The following CTNNA3 variants were observed in gnomAD, a reference collection of about 807,000 sequenced individuals.
The protein encoded by CTNNA3 is catenin alpha-3.
A neutral mutation model predicts 95.7 loss-of-function variants in CTNNA3; 76 were observed. The ratio of observed to expected loss-of-function variants is 0.79; its 90% CI spans 0.66 to 0.96. The LOEUF (loss-of-function observed/expected upper bound fraction) is 0.96. Ranked by LOEUF, CTNNA3 falls within the 40% of genes least tolerant of loss-of-function variation. CTNNA3 has a pLI of 0.00. For synonymous variants in CTNNA3, 431 were observed against 374.4 expected (o/e 1.15, Z -1.74); for missense variants, 1,191 against 1,089.8 (o/e 1.09, Z -1.31).
At chr10:66,103,380 A>G (rs1413358921) in intron 13 of CTNNA3, 131 bp from the exon 14 acceptor site, 1 of 685,840 alleles carries the variant, frequency 1.5e-6, no homozygotes, top group Non-Finnish European at 2.6e-6. Flanking sequence ...TCCCAGTTAT[A>G]TACTCAAGAG....
chr10:67,426,815 AAAAG>A (rs911541603), intron 5 of CTNNA3, among the ~76,000 whole-genome samples: 5 of 152,032 alleles, frequency 3.3e-5, no homozygotes, highest in Non-Finnish European at 5.9e-5. Context: ...TTAAAAAAAA[AAAAG>A]AAAGTTGTTA....
At chr10:66,560,423 T>A (rs1338024310) in intron 10 of CTNNA3, among the ~76,000 whole-genome samples, 1 of 152,106 alleles carries the variant, frequency 6.6e-6, no homozygotes, top group African/African-American at 2.4e-5. Flanking sequence ...ATTCCACTGA[T>A]ACCAAAGCTA....
intron 7 of CTNNA3, among the ~76,000 whole-genome samples, chr10:66,911,810 C>A (rs1299694826): frequency 2.0e-5 from 3 of 152,164 alleles, no homozygotes; most frequent in Non-Finnish European, 2.9e-5. Flanking sequence ...TTGTAAGCCA[C>A]TTGAAATTAT....
At chr10:66,506,034 C>A (rs1840437864) in intron 11 of CTNNA3, among the ~76,000 whole-genome samples, 1 of 152,156 alleles carries the variant, frequency 6.6e-6, no homozygotes, top group Non-Finnish European at 1.5e-5. Flanking sequence ...TGCTTCCACT[C>A]ATGGCAGAAG....
intron 1 of CTNNA3, among the ~76,000 whole-genome samples, chr10:67,687,180 A>G (rs1840748830): frequency 6.6e-6 from 1 of 152,152 alleles, no homozygotes; most frequent in Non-Finnish European, 1.5e-5. Flanking sequence ...GAGGAAATCA[A>G]TTTCCTGGCC....
At chr10:66,330,239 G>T (rs1327203298) in intron 12 of CTNNA3, among the ~76,000 whole-genome samples, 1 of 150,672 alleles carries the variant, frequency 6.6e-6, no homozygotes, top group Non-Finnish European at 1.5e-5. Flanking sequence ...CCCACAACAG[G>T]CCCCGGTGTG....
intron 13 of CTNNA3, among the ~76,000 whole-genome samples, chr10:66,127,561 C>T (rs1389605224): frequency 6.6e-6 from 1 of 151,976 alleles, no homozygotes; most frequent in Admixed American, 6.6e-5. Context: ...AGAACTGTCA[C>T]AGCCAAGAAA....
chr10:67,664,949 A>T (rs972907186), intron 1 of CTNNA3, among the ~76,000 whole-genome samples: 3 of 152,240 alleles, frequency 2.0e-5, no homozygotes, highest in African/African-American at 7.2e-5. Flanking sequence ...ATTTAAGTTT[A>T]AAAGCCCATA....
chr10:67,496,775 T>A (rs1839036982), intron 5 of CTNNA3, among the ~76,000 whole-genome samples: 1 of 152,210 alleles, frequency 6.6e-6, no homozygotes, highest in South Asian at 2.1e-4. Flanking sequence ...ACAAATTGTA[T>A]TTCTCATTAA....
chr10:66,895,931 A>G (rs1233424558), intron 7 of CTNNA3, among the ~76,000 whole-genome samples: 1 of 150,936 alleles, frequency 6.6e-6, no homozygotes, highest in Non-Finnish European at 1.5e-5. Flanking sequence ...AAAAAAAAAA[A>G]AAAAGAACAC....
At chr10:67,322,455 T>G (rs1340501133) in intron 5 of CTNNA3, among the ~76,000 whole-genome samples, 1 of 152,216 alleles carries the variant, frequency 6.6e-6, no homozygotes, top group Non-Finnish European at 1.5e-5. Flanking sequence ...TAGCTCCCAC[T>G]TATAAGTGAG....
rs376442103 is a variant in CTNNA3, at chr10:66,545,988, T to A, written c.1375-25215A>T. Among the ~76,000 whole-genome samples, 54 of 150,956 alleles carry A rather than the reference T, an allele frequency of 3.6e-4. 1 individual carries two copies. The South Asian group carries it at 0.011, about 31-fold the overall frequency. On this transcript the variant is annotated intron_variant, in intron 10 of 17. Coordinates refer to ENST00000433211, the MANE Select transcript of CTNNA3 (RefSeq NM_013266.4). ...AAATATAATATATTTATCTTCTGGATATAAACTCATTGTCAGTTAAGTATT... is the reference window on the plus strand; with the variant it reads ...AAATATAATATATTTATCTTCTGGAAATAAACTCATTGTCAGTTAAGTATT...
intron 13 of CTNNA3, among the ~76,000 whole-genome samples, chr10:66,203,687 A>G (rs908509018): frequency 2.0e-5 from 3 of 152,090 alleles, no homozygotes; most frequent in African/African-American, 7.2e-5. Flanking sequence ...TCATGTCTAC[A>G]ATTACCTAAT....
chr10:66,505,917 T>C (rs72791602), intron 11 of CTNNA3, among the ~76,000 whole-genome samples: 23,188 of 152,092 alleles, frequency 0.15, 1,848 homozygotes, highest in Non-Finnish European at 0.17. Flanking sequence ...TAAAGGAATA[T>C]CCAAAACTGG....
chr10:67,152,401 T>C (rs1861122931), intron 7 of CTNNA3, among the ~76,000 whole-genome samples: 1 of 152,220 alleles, frequency 6.6e-6, no homozygotes, highest in South Asian at 2.1e-4. Flanking sequence ...GGGAGAAAGA[T>C]AACACCATTG....
intron 12 of CTNNA3, among the ~76,000 whole-genome samples, chr10:66,360,686 C>CTTT (rs2092655419): frequency 4.6e-5 from 2 of 43,954 alleles, no homozygotes; most frequent in African/African-American, 1.1e-4. Context: ...TTCCTTCCTT[C>CTTT]CTTCCTTTTC....
intron 15 of CTNNA3, among the ~76,000 whole-genome samples, chr10:66,054,638 T>A (rs1011143951): frequency 1.3e-5 from 2 of 152,186 alleles, no homozygotes; most frequent in Non-Finnish European, 2.9e-5. Context: ...GTCAGATGGG[T>A]CATTGGCAAA....
intron 14 of CTNNA3, among the ~76,000 whole-genome samples, chr10:66,087,217 A>G (rs112886132): frequency 5.2e-4 from 79 of 152,180 alleles, no homozygotes; most frequent in African/African-American, 1.8e-3. Context: ...AAGCCCCTCT[A>G]TAAAGTGGAC....
At chr10:67,701,031 G>A (rs774694676), upstream of CTNNA3, among the ~76,000 whole-genome samples, 3 of 152,148 alleles carry the variant, frequency 2.0e-5, no homozygotes, top group Non-Finnish European at 2.9e-5. Context: ...TATCAGTGAT[G>A]GAAGATGAAA....
Sources: gnomAD v4.1 joint callset for allele counts (sites outside exome capture counted in the v4.1 genomes callset) on GRCh38, gnomAD v4.1.1 for gene constraint, MANE v1.5 for transcripts, NCBI Gene and HGNC (gene_info 2026-07-23, HGNC 2026-07-21) for gene names.